Variants in ARMC9 observed in about 807,000 individuals in gnomAD.
ARMC9 encodes armadillo repeat containing 9.
ARMC9 carries 94 observed loss-of-function variants against 107.0 expected under a neutral mutation model. The ratio of observed to expected loss-of-function variants is 0.88; its 90% CI spans 0.74 to 1.04. The LOEUF is 1.04. Among genes scored for constraint, ARMC9 ranks in the 50% least tolerant of loss-of-function variants. ARMC9 has a pLI of 0.00. For synonymous variants in ARMC9, 380 were observed against 396.9 expected, an observed-to-expected ratio of 0.96 and a Z score of 0.51; for missense variants, 942 against 1,030.1, an observed-to-expected ratio of 0.91 and a Z score of 1.17.
chr2:231,367,754 G>A (rs1017475832), intron 23 of ARMC9, among the ~76,000 whole-genome samples: 9 of 152,052 alleles, frequency 5.9e-5, no homozygotes, highest in Non-Finnish European at 1.3e-4. Flanking sequence ...AAGCAGAGGT[G>A]GGTGGATCAC....
At chr2:231,304,304 T>C (rs1271051213) in intron 19 of ARMC9, among the ~76,000 whole-genome samples, 1 of 152,256 alleles carries the variant, frequency 6.6e-6, no homozygotes, top group African/African-American at 2.4e-5. Flanking sequence ...CTGTTTCATA[T>C]TTTCAATAGC....
intron 2 of ARMC9, among the ~76,000 whole-genome samples, chr2:231,207,723 C>T (rs2032231828): frequency 6.6e-6 from 1 of 152,252 alleles, no homozygotes; most frequent in African/African-American, 2.4e-5. Flanking sequence ...ATCCACCCGC[C>T]TTGGCCTCCC....
intron 14 of ARMC9, 26 bp downstream of exon 14, chr2:231,273,104 T>G (rs2039482426): frequency 2.3e-5 from 37 of 1,602,908 alleles, no homozygotes; most frequent in Non-Finnish European, 3.2e-5. Context: ...TAGGTCACGG[T>G]GTCTCCTGTG....
At chr2:231,281,538 C>T (rs1039053442) in intron 16 of ARMC9, among the ~76,000 whole-genome samples, 12 of 151,942 alleles carry the variant, frequency 7.9e-5, no homozygotes, top group African/African-American at 2.2e-4. Flanking sequence ...ATTTGGCCCA[C>T]GCTATAGAAT....
chr2:231,200,955 G>T (rs552971075), intron 1 of ARMC9, among the ~76,000 whole-genome samples: 27 of 152,202 alleles, frequency 1.8e-4, no homozygotes, highest in Non-Finnish European at 1.6e-4. Context: ...GTTTGCCTGG[G>T]GGGGCAGAGC....
At chr2:231,352,488 T>A (rs1225969190) in intron 21 of ARMC9, among the ~76,000 whole-genome samples, 1 of 151,630 alleles carries the variant, frequency 6.6e-6, no homozygotes, top group Non-Finnish European at 1.5e-5. Flanking sequence ...TTTATTTTTT[T>A]ATTTATTTAT....
intron 19 of ARMC9, among the ~76,000 whole-genome samples, chr2:231,326,714 C>T (rs1393982015): frequency 1.3e-5 from 2 of 152,158 alleles, no homozygotes; most frequent in Non-Finnish European, 2.9e-5. Context: ...CCTTCCAGGC[C>T]CAGGAGGTTG....
chr2:231,350,289 A>G (rs570295315), intron 21 of ARMC9, among the ~76,000 whole-genome samples: 6 of 152,004 alleles, frequency 3.9e-5, no homozygotes, highest in Non-Finnish European at 5.9e-5. Flanking sequence ...GCCTCCCAAA[A>G]TGCTGGGATT....
At chr2:231,200,090 C>G (rs182894787) in intron 1 of ARMC9, among the ~76,000 whole-genome samples, 12 of 152,232 alleles carry the variant, frequency 7.9e-5, no homozygotes, top group African/African-American at 2.9e-4. Context: ...ATTTAAACGG[C>G]TTAGGGAGGT....
chr2:231,220,562 G>A (rs915730843), intron 5 of ARMC9, among the ~76,000 whole-genome samples: 5 of 139,276 alleles, frequency 3.6e-5, no homozygotes, highest in East Asian at 2.1e-4. Flanking sequence ...ACACCACTGC[G>A]CTCCAGTTTG....
At chr2:231,216,576 G>A in intron 4 of ARMC9, 62 bp from the exon 5 acceptor site, 1 of 1,548,330 alleles carries the variant, frequency 6.5e-7, no homozygotes, top group South Asian at 1.2e-5. Context: ...GAGAGGATGG[G>A]GTGAGCAGAT....
intron 12 of ARMC9, 127 bp from the exon 13 acceptor site, chr2:231,270,855 T>A: frequency 1.2e-6 from 1 of 811,932 alleles, no homozygotes; most frequent in Non-Finnish European, 2.1e-6. Flanking sequence ...AATGTTTGGC[T>A]TTAGTCTGTT....
chr2:231,221,396 A>G (rs577955274), intron 5 of ARMC9, among the ~76,000 whole-genome samples: 3 of 152,268 alleles, frequency 2.0e-5, no homozygotes, highest in Admixed American at 2.0e-4. Context: ...CCCATTCCCA[A>G]TGACCTCATG....
chr2:231,289,045 G>A (rs1322161991), intron 17 of ARMC9, among the ~76,000 whole-genome samples: 1 of 152,056 alleles, frequency 6.6e-6, no homozygotes, highest in East Asian at 1.9e-4. Flanking sequence ...TGTCTTCCTG[G>A]ACATTGTTAC....
rs1175264040 is a variant in ARMC9, at chr2:231,354,216, G to A, written c.1995-1582G>A. ...GGAGGCCAAGGTGGTAGGATCACTT[G>A]AGCTCAGTTCAAAACCAGCCAAGTC... On this transcript the variant is annotated intron_variant, in intron 21 of 24. Coordinates refer to ENST00000611582, the MANE Select transcript of ARMC9 (RefSeq NM_001352754.2). Among the ~76,000 whole-genome samples, 3 of 137,808 alleles carry A rather than the reference G, an allele frequency of 2.2e-5. No individual in the cohort carries two copies. In the Admixed American group the frequency reaches 2.3e-4, roughly 11 times the overall value. The allele number at this position is 137,808 out of a possible 152,430, so 90.4% of individuals were successfully genotyped here. A position where few individuals can be genotyped will look rare whatever the true frequency, so the allele number is the denominator to read the frequency against.
At chr2:231,366,976 G>A (rs28485835) in intron 23 of ARMC9, among the ~76,000 whole-genome samples, 49,433 of 148,954 alleles carry the variant, frequency 0.33, 9,359 homozygotes, top group East Asian at 0.76. Context: ...TCAGCCTCCC[G>A]AGTAGCTGGG....
intron 19 of ARMC9, among the ~76,000 whole-genome samples, chr2:231,312,507 G>C (rs990150200): frequency 4.6e-5 from 7 of 152,170 alleles, no homozygotes; most frequent in African/African-American, 7.2e-5. Flanking sequence ...GTTTGTGGCG[G>C]TTAAACAGTC....
In ARMC9 at chr2:231,256,582, C is replaced by A. The variant is rs767945191; in HGVS notation, c.880-4C>A. 2 of 1,614,024 alleles carry A rather than the reference C, an allele frequency of 1.2e-6. No homozygotes were observed. The highest frequency in any genetic ancestry group is 1.1e-5 in the South Asian group (1 of 91,070). On this transcript the variant is annotated splice_polypyrimidine_tract_variant and splice_region_variant and intron_variant, in intron 9 of 24. Transcript: ENST00000611582. ...TCTGTTTTCTTCTGTCCTCTTCCCCCCAGGCATCCACCATGTTACGAGCCT... is the reference window on the plus strand; with the variant it reads ...TCTGTTTTCTTCTGTCCTCTTCCCCACAGGCATCCACCATGTTACGAGCCT...
At chr2:231,324,320 G>A (rs2043184844) in intron 19 of ARMC9, among the ~76,000 whole-genome samples, 1 of 151,176 alleles carries the variant, frequency 6.6e-6, no homozygotes, top group Non-Finnish European at 1.5e-5. Context: ...TAAAGACGGG[G>A]TTTCACCATA....
Sources: allele counts gnomAD v4.1 joint callset (sites outside exome capture counted in the v4.1 genomes callset), GRCh38; gene constraint gnomAD v4.1.1; transcripts MANE v1.5; gene names NCBI Gene and HGNC (gene_info 2026-07-23, HGNC 2026-07-21).